Variants in SYNDIG1 observed in about 807,000 individuals in gnomAD.
SYNDIG1 encodes the protein synapse differentiation inducing 1.
Under a neutral mutation model 19.4 loss-of-function variants are expected in SYNDIG1, and 9 were observed. That is an observed-to-expected ratio of 0.46 (90% CI 0.28 to 0.81). The LOEUF (loss-of-function observed/expected upper bound fraction) is 0.81. SYNDIG1 is among the 30% of genes least tolerant of loss of function. The pLI, the probability that SYNDIG1 is intolerant of heterozygous loss-of-function variation, is 0.12. For missense variants in SYNDIG1, 311 were observed against 343.3 expected (o/e 0.91, Z 0.74); for synonymous variants, 141 against 145.9 (o/e 0.97, Z 0.24).
intron 3 of SYNDIG1, among the ~76,000 whole-genome samples, chr20:24,644,373 C>T (rs1411061724): frequency 6.6e-6 from 1 of 152,244 alleles, no homozygotes; most frequent in African/African-American, 2.4e-5. Context: ...GCAATGTGGC[C>T]TTGCCCCTTC....
At chr20:24,540,201 G>T (rs977030071) in intron 1 of SYNDIG1, among the ~76,000 whole-genome samples, 2 of 152,140 alleles carry the variant, frequency 1.3e-5, no homozygotes, top group African/African-American at 4.8e-5. Flanking sequence ...TTTCTTTTCA[G>T]ATTCTTCATT....
At chr20:24,573,488 A>T (rs2058177763) in intron 2 of SYNDIG1, among the ~76,000 whole-genome samples, 1 of 152,216 alleles carries the variant, frequency 6.6e-6, no homozygotes. Context: ...TGTACAACAC[A>T]AATTATATCC....
chr20:24,517,157 GGGGGAAGCAGGGAGGGAAA>G (rs1330110170), intron 1 of SYNDIG1, among the ~76,000 whole-genome samples: 1 of 152,032 alleles, frequency 6.6e-6, no homozygotes, highest in African/African-American at 2.4e-5. Flanking sequence ...GGTTTTGGGT[GGGGGAAGCAGGGAGGGAAA>G]GCATTAGGAG....
chr20:24,616,244 C>T (rs2058930279), intron 3 of SYNDIG1, among the ~76,000 whole-genome samples: 1 of 152,170 alleles, frequency 6.6e-6, no homozygotes, highest in Non-Finnish European at 1.5e-5. Flanking sequence ...TTATTGTATA[C>T]ATTTAAGAAC....
At chr20:24,486,860 T>C (rs1324882155) in intron 1 of SYNDIG1, among the ~76,000 whole-genome samples, 1 of 152,104 alleles carries the variant, frequency 6.6e-6, no homozygotes, top group Non-Finnish European at 1.5e-5. Context: ...GGTTTCACCA[T>C]GTTGTCCAGG....
chr20:24,480,746 C>T (rs899155128), intron 1 of SYNDIG1, among the ~76,000 whole-genome samples: 6 of 152,110 alleles, frequency 3.9e-5, no homozygotes, highest in South Asian at 2.1e-4. Flanking sequence ...AGCAGATGAG[C>T]GGATAAGCAA....
chr20:24,471,723 C>T (rs1028224752), intron 1 of SYNDIG1, among the ~76,000 whole-genome samples: 25 of 152,042 alleles, frequency 1.6e-4, no homozygotes, highest in Non-Finnish European at 3.7e-4. Flanking sequence ...TTGTGTACCC[C>T]CCACCCAGTC....
intron 1 of SYNDIG1, among the ~76,000 whole-genome samples, chr20:24,525,046 C>A (rs1055501293): frequency 3.9e-5 from 6 of 151,972 alleles, no homozygotes; most frequent in African/African-American, 1.5e-4. Flanking sequence ...CTACATATTT[C>A]CCTCTTCTCC....
intron 3 of SYNDIG1, among the ~76,000 whole-genome samples, chr20:24,599,040 G>A (rs1038381014): frequency 1.3e-5 from 2 of 152,262 alleles, no homozygotes; most frequent in East Asian, 1.9e-4. Flanking sequence ...ATATTCAACA[G>A]AGTAAAGAGA....
At chr20:24,565,038 G>T (rs2058018871) in intron 2 of SYNDIG1, among the ~76,000 whole-genome samples, 1 of 152,120 alleles carries the variant, frequency 6.6e-6, no homozygotes, top group Non-Finnish European at 1.5e-5. Context: ...TTGTTCACTG[G>T]TGTTCATTAA....
At chr20:24,580,418 G>T (rs1341577106) in intron 2 of SYNDIG1, among the ~76,000 whole-genome samples, 1 of 152,072 alleles carries the variant, frequency 6.6e-6, no homozygotes. Flanking sequence ...TTGTTTGTTT[G>T]TTTGATTTTT....
At chr20:24,475,027 G>C (rs1255100151) in intron 1 of SYNDIG1, among the ~76,000 whole-genome samples, 1 of 152,130 alleles carries the variant, frequency 6.6e-6, no homozygotes, top group Non-Finnish European at 1.5e-5. Context: ...CACCCCCCAT[G>C]CCCCCACTTA....
intron 1 of SYNDIG1, among the ~76,000 whole-genome samples, chr20:24,471,602 T>TTA (rs543607917): frequency 2.3e-5 from 3 of 132,978 alleles, no homozygotes; most frequent in Non-Finnish European, 4.7e-5. Flanking sequence ...AGGGCCTTGT[T>TTA]AAAAAAAAAA....
At chr20:24,509,144 A>T (rs1306456646) in intron 1 of SYNDIG1, among the ~76,000 whole-genome samples, 1 of 152,154 alleles carries the variant, frequency 6.6e-6, no homozygotes, top group African/African-American at 2.4e-5. Context: ...TTACAACCTG[A>T]TGGGTTATGG....
intron 2 of SYNDIG1, among the ~76,000 whole-genome samples, chr20:24,561,882 A>G (rs1424928730): frequency 1.3e-5 from 2 of 152,258 alleles, no homozygotes; most frequent in Admixed American, 6.5e-5. Flanking sequence ...TTTCAATAAT[A>G]TGATATCTAT....
Position 24,635,912 on chromosome 20 carries a change from A to G in SYNDIG1, c.619-29434A>G, listed in dbSNP as rs534699340. Among the ~76,000 whole-genome samples the G allele has an allele frequency of 8.5e-5, 13 of 152,306 alleles. No individual in the cohort carries two copies. The East Asian group carries it at 2.3e-3, about 27-fold the overall frequency. ...CTCACCAGTTTATTCTCATGAGAGT[A>G]AACACACTTTCTGTATCTCAATGTT... On this transcript the variant is annotated intron_variant, in intron 3 of 3. Coordinates refer to ENST00000376862, the MANE Select transcript of SYNDIG1 (RefSeq NM_024893.3).
intron 3 of SYNDIG1, among the ~76,000 whole-genome samples, chr20:24,628,882 G>A (rs1337630500): frequency 3.9e-5 from 6 of 152,204 alleles, no homozygotes; most frequent in East Asian, 1.9e-4. Context: ...ACGCTTTGCA[G>A]ATTGGGTGGG....
At chr20:24,534,763 C>T (rs1420369779) in intron 1 of SYNDIG1, among the ~76,000 whole-genome samples, 1 of 152,232 alleles carries the variant, frequency 6.6e-6, no homozygotes, top group African/African-American at 2.4e-5. Context: ...TGCCTGCACA[C>T]GGTAGGTACC....
chr20:24,534,247 T>C (rs2057317800), intron 1 of SYNDIG1, among the ~76,000 whole-genome samples: 1 of 152,144 alleles, frequency 6.6e-6, no homozygotes, highest in African/African-American at 2.4e-5. Context: ...TTTGTCATCA[T>C]CCCTTTCCCT....
Sources: gnomAD v4.1 joint callset for allele counts (sites outside exome capture counted in the v4.1 genomes callset) on GRCh38, gnomAD v4.1.1 for gene constraint, MANE v1.5 for transcripts, NCBI Gene and HGNC (gene_info 2026-07-23, HGNC 2026-07-21) for gene names.